CSMD1: variants seen among roughly 807,000 people sequenced by gnomAD.
CSMD1 encodes CUB and sushi domain-containing protein 1.
A neutral mutation model predicts 417.5 loss-of-function variants in CSMD1; 213 were observed. That is an observed-to-expected ratio of 0.51 (90% CI 0.46 to 0.57). The LOEUF (loss-of-function observed/expected upper bound fraction) is 0.57, where lower values mean the gene tolerates loss of function less well. CSMD1 is among the 20% of genes least tolerant of loss of function. The pLI is 0.00. For synonymous variants in CSMD1, 2,862 were observed against 1,736.8 expected (o/e 1.65, Z -16.11); for missense variants, 6,923 against 4,529.7 (o/e 1.53, Z -15.17).
chr8:4,816,717 A>G (rs1312739214), intron 1 of CSMD1, among the ~76,000 whole-genome samples: 1 of 152,164 alleles, frequency 6.6e-6, no homozygotes, highest in Non-Finnish European at 1.5e-5. Flanking sequence ...TGATTTCCAG[A>G]TGCAAAAATC....
chr8:3,535,278 C>T (rs562812038), intron 10 of CSMD1, among the ~76,000 whole-genome samples: 1 of 152,242 alleles, frequency 6.6e-6, no homozygotes, highest in Admixed American at 6.5e-5. Context: ...TGACAGACGA[C>T]ACTGAAATAG....
chr8:3,085,219 A>G (rs1814437488), intron 49 of CSMD1, among the ~76,000 whole-genome samples: 1 of 152,214 alleles, frequency 6.6e-6, no homozygotes, highest in African/African-American at 2.4e-5. Context: ...ATACATAAAA[A>G]TAAGTAGTTC....
At chr8:3,642,596 C>A (rs1412582400) in intron 7 of CSMD1, among the ~76,000 whole-genome samples, 1 of 152,118 alleles carries the variant, frequency 6.6e-6, no homozygotes, top group South Asian at 2.1e-4. Flanking sequence ...AATTCACAAA[C>A]CAAACGAGAA....
At chr8:3,462,787 G>T (rs1485455771) in intron 12 of CSMD1, among the ~76,000 whole-genome samples, 1 of 151,054 alleles carries the variant, frequency 6.6e-6, no homozygotes, top group Non-Finnish European at 1.5e-5. Flanking sequence ...TGCCAAAAAG[G>T]CTGGGGACTC....
chr8:3,491,492 G>C (rs752719394), intron 11 of CSMD1, among the ~76,000 whole-genome samples: 1 of 152,142 alleles, frequency 6.6e-6, no homozygotes, highest in South Asian at 2.1e-4. Flanking sequence ...ATTATAATAA[G>C]TTGTGGTCCA....
intron 1 of CSMD1, among the ~76,000 whole-genome samples, chr8:4,903,012 TAAATA>T (rs1292271181): frequency 0.025 from 99 of 4,010 alleles, no homozygotes; most frequent in African/African-American, 0.05. Flanking sequence ...ATATTAATAA[TAAATA>T]AATAAATAAA....
intron 37 of CSMD1, 77 bp downstream of exon 37, chr8:3,181,033 G>T: frequency 1.2e-6 from 1 of 858,188 alleles, no homozygotes; most frequent in Non-Finnish European, 1.9e-6. Flanking sequence ...TGTTTAATAA[G>T]AGCATGATTT....
intron 5 of CSMD1, among the ~76,000 whole-genome samples, chr8:3,955,121 CATA>C (rs1289495880): frequency 2.0e-3 from 304 of 152,324 alleles, no homozygotes; most frequent in Middle Eastern, 3.4e-3. Flanking sequence ...CTGCCCCCCT[CATA>C]CCTAACTACC....
At chr8:4,791,995 G>C (rs1308175212) in intron 1 of CSMD1, among the ~76,000 whole-genome samples, 2 of 151,750 alleles carry the variant, frequency 1.3e-5, no homozygotes, top group African/African-American at 2.4e-5. Flanking sequence ...TATAGTGTGT[G>C]TCTCAAAGGT....
chr8:3,727,290 G>A (rs955710195), intron 6 of CSMD1, among the ~76,000 whole-genome samples: 1 of 152,144 alleles, frequency 6.6e-6, no homozygotes, highest in South Asian at 2.1e-4. Flanking sequence ...TACCTTTGAG[G>A]CAGTCAGCTC....
chr8:4,622,415 G>C (rs1037224927), intron 2 of CSMD1, among the ~76,000 whole-genome samples: 1 of 152,020 alleles, frequency 6.6e-6, no homozygotes, highest in African/African-American at 2.4e-5. Context: ...CTACCCGATG[G>C]GGTGACAGCA....
At chr8:3,608,309 T>C (rs1273907143) in intron 8 of CSMD1, among the ~76,000 whole-genome samples, 1 of 152,078 alleles carries the variant, frequency 6.6e-6, no homozygotes, top group Non-Finnish European at 1.5e-5. Context: ...TGGAGCTCTT[T>C]ATGGATAGAC....
intron 3 of CSMD1, among the ~76,000 whole-genome samples, chr8:4,159,048 T>G (rs1206143119): frequency 6.6e-6 from 1 of 152,148 alleles, no homozygotes; most frequent in Non-Finnish European, 1.5e-5. Context: ...CCATAGTAAC[T>G]GGGATTACAG....
intron 5 of CSMD1, among the ~76,000 whole-genome samples, chr8:3,775,293 C>G (rs1412273380): frequency 6.6e-6 from 1 of 152,132 alleles, no homozygotes; most frequent in Admixed American, 6.5e-5. Context: ...AATAAGTGAA[C>G]AGAAGATGAA....
At position 3,729,922 on chromosome 8, in the gene CSMD1, T is replaced by TAAAAAAAAAA. The variant is rs1160679199; in HGVS notation, c.932-21441_932-21432dup. On this transcript the variant is annotated intron_variant, in intron 6 of 69. Transcript: ENST00000635120. ...AGAATTATTATTTGCCAATTCAAAG[T>TAAAAAAAAAA]AAAAAAAAAAAAAAAAAAAAAAAAA... Among the ~76,000 whole-genome samples the TAAAAAAAAAA allele has an allele frequency of 2.1e-4, 10 of 47,064 alleles. 1 individual carries two copies. Among genetic ancestry groups the TAAAAAAAAAA allele is most frequent in the African/African-American group, 1.2e-3 (9 of 7,320 alleles). 30.9% of individuals were successfully genotyped at this position (47,064 alleles called of 152,430 possible). A position where few individuals can be genotyped will look rare whatever the true frequency, so the allele number is the denominator to read the frequency against.
chr8:3,441,899 A>G (rs912059222), intron 12 of CSMD1, among the ~76,000 whole-genome samples: 1 of 152,108 alleles, frequency 6.6e-6, no homozygotes, highest in African/African-American at 2.4e-5. Flanking sequence ...AGGTATCCAG[A>G]AGAAGGCATT....
intron 3 of CSMD1, among the ~76,000 whole-genome samples, chr8:4,260,205 T>C (rs1248354640): frequency 6.6e-6 from 1 of 152,194 alleles, no homozygotes; most frequent in Non-Finnish European, 1.5e-5. Flanking sequence ...GTGTTGCCTA[T>C]CTAATTGGGG....
chr8:3,482,893 G>C (rs1384807050), intron 11 of CSMD1, among the ~76,000 whole-genome samples: 1 of 152,036 alleles, frequency 6.6e-6, no homozygotes, highest in Non-Finnish European at 1.5e-5. Context: ...GATTCAAAGG[G>C]AAAGTCTCAA....
At chr8:4,719,496 G>T (rs1053710110) in intron 1 of CSMD1, among the ~76,000 whole-genome samples, 31 of 151,718 alleles carry the variant, frequency 2.0e-4, no homozygotes, top group African/African-American at 5.6e-4. Context: ...CAAGCGCATT[G>T]TAAGTAATTT....
Sources: gnomAD v4.1 joint callset for allele counts (sites outside exome capture counted in the v4.1 genomes callset) on GRCh38, gnomAD v4.1.1 for gene constraint, MANE v1.5 for transcripts, NCBI Gene and HGNC (gene_info 2026-07-23, HGNC 2026-07-21) for gene names.